Variants in CNOT3 observed in about 807,000 individuals in gnomAD.
CNOT3 encodes the protein CCR4-associated factor 3.
A neutral mutation model predicts 89.4 loss-of-function variants in CNOT3; 2 were observed. The ratio of observed to expected loss-of-function variants is 0.02; its 90% CI spans 0.01 to 0.07. The LOEUF is 0.07. Ranked by LOEUF, CNOT3 falls within the 10% of genes least tolerant of loss-of-function variation. CNOT3 has a pLI of 1.00. For synonymous variants in CNOT3, 486 were observed against 402.0 expected, an observed-to-expected ratio of 1.21 and a Z score of -2.50; for missense variants, 664 against 1,010.2, an observed-to-expected ratio of 0.66 and a Z score of 4.65.
intron 10 of CNOT3, 25 bp downstream of exon 10, chr19:54,146,682 G>C: frequency 7.4e-7 from 1 of 1,346,352 alleles, no homozygotes; most frequent in Non-Finnish European, 1.1e-6. Context: ...GGACCGGGTG[G>C]GCACGCCATT....
chr19:54,149,734 G>A lies in CNOT3; in HGVS notation c.1581G>A (p.Gln527=), dbSNP rs1338189055. ...GTGCCCTGCTCAATGGGCCTCCACA[G>A]TTCAGCACCGCCCCAGAAATCAAGG... ...AAGALLNGPP[Q]FSTAPEIKAP... The change falls in exon 13 of 18, where the codon CAG becomes CAA. Residue 527 remains glutamine, a synonymous_variant. Transcript: ENST00000221232. 6.2e-7 allele frequency: 1 copy of A among 1,611,804 alleles called. No homozygotes were observed. The highest frequency in any genetic ancestry group is 1.3e-5 in the African/African-American group (1 of 74,996).
chr19:54,143,197 T>C lies in CNOT3; in HGVS notation c.93+11T>C, dbSNP rs1489221692. On this transcript the variant is annotated intron_variant, in intron 3 of 17. Transcript: ENST00000221232. ...GATATTTGGCAGAAGGTACAGGGGC[T>C]GAGACCCTAATAATCTGGGTCTTCA... 1.2e-6 allele frequency: 2 copies of C among 1,611,376 alleles called. No individual in the cohort carries two copies. Among genetic ancestry groups the C allele is most frequent in the Non-Finnish European group, 1.7e-6 (2 of 1,177,744 alleles).
Position 54,144,448 on chromosome 19 carries a change from C to T in CNOT3, c.483+116C>T, listed in dbSNP as rs2074576345. 3 of 742,056 alleles carry T rather than the reference C, an allele frequency of 4.0e-6. No homozygotes were observed. The highest frequency in any genetic ancestry group is 2.2e-5 in the Admixed American group (1 of 44,788). The allele number at this position is 742,056 out of a possible 1,614,324, so 46.0% of individuals were successfully genotyped here. ...TTGGGGCCTGGATTCCTCAGGCGGA[C>T]AGGGCCAACAGCCGGGATTAGGGAT... On this transcript the variant is annotated intron_variant, in intron 7 of 17. Coordinates refer to ENST00000221232, the MANE Select transcript of CNOT3 (RefSeq NM_014516.4). The surrounding 1 kb of genome is among the most constrained non-coding windows in gnomAD (Gnocchi z 4.8).
chr19:54,154,935 A>C, intron 17 of CNOT3: 1 of 224,808 alleles, frequency 4.4e-6, no homozygotes, highest in Non-Finnish European at 8.7e-6. Context: ...GACAGTACCC[A>C]CTGCCTCGAG....
At chr19:54,140,455 A>G (rs1055104659) in intron 1 of CNOT3, among the ~76,000 whole-genome samples, 9 of 152,146 alleles carry the variant, frequency 5.9e-5, no homozygotes, top group African/African-American at 2.2e-4. Context: ...CCCTGACTAC[A>G]GCAAATGGGG....
Position 54,145,729 on chromosome 19 carries a change from C to T in CNOT3, c.615C>T (p.Asp205=), listed in dbSNP as rs587608163. Residue 205 remains aspartate (D), a synonymous_variant, in exon 8 of 18, where the codon GAC becomes GAT. Coordinates refer to ENST00000221232, the MANE Select transcript of CNOT3 (RefSeq NM_014516.4). The surrounding 1 kb of genome is among the most constrained non-coding windows in gnomAD (Gnocchi z 5.9). ...ILVDAIRKIK[D]DVEYYVDSSQ... The stretch of plus-strand genomic sequence containing the variant: ...TTGACGCCATCCGCAAGATCAAGGA[C>T]GACGTTGAGTACTATGTTGACTCAT... 27 of 1,613,068 alleles carry T rather than the reference C, an allele frequency of 1.7e-5. No homozygotes were observed. The African/African-American group carries it at 2.3e-4, about 14-fold the overall frequency.
At chr19:54,143,344 G>A in intron 3 of CNOT3, 98 bp from the exon 4 acceptor site, 2 of 1,347,750 alleles carry the variant, frequency 1.5e-6, no homozygotes, top group Non-Finnish European at 2.1e-6. Context: ...GTAGGGGTTG[G>A]GGGGGGTCCT....
At chr19:54,154,224 C>T in intron 17 of CNOT3, 2 of 406,478 alleles carry the variant, frequency 4.9e-6, no homozygotes, top group South Asian at 3.9e-5. Flanking sequence ...CCCCACTTCA[C>T]CTCCAGGTCC....
chr19:54,151,417 C>T (rs922325437), intron 13 of CNOT3, among the ~76,000 whole-genome samples: 2 of 152,006 alleles, frequency 1.3e-5, no homozygotes, highest in Non-Finnish European at 2.9e-5. Context: ...AGAAGCAGGA[C>T]GGATAGCTGG....
At chr19:54,150,332 C>T (rs188152432) in intron 13 of CNOT3, among the ~76,000 whole-genome samples, 76 of 152,234 alleles carry the variant, frequency 5.0e-4, no homozygotes, top group Middle Eastern at 3.4e-3. Context: ...GGAAGGGCTT[C>T]AGGAGGTGCT....
At chr19:54,146,960 G>T (rs1387784443) in intron 10 of CNOT3, among the ~76,000 whole-genome samples, 1 of 152,190 alleles carries the variant, frequency 6.6e-6, no homozygotes, top group African/African-American at 2.4e-5. Context: ...CCAGTAACAT[G>T]GGCAAGTTGT....
In CNOT3 at chr19:54,149,771, G is replaced by T. The variant is rs2074955189; in HGVS notation, c.1605+13G>T. 4 of 1,584,902 alleles carry T rather than the reference G, an allele frequency of 2.5e-6. No homozygotes were observed. The highest frequency in any genetic ancestry group is 1.4e-5 in the African/African-American group (1 of 73,988). On this transcript the variant is annotated intron_variant, in intron 13 of 17. Coordinates refer to ENST00000221232, the MANE Select transcript of CNOT3 (RefSeq NM_014516.4). ...CCCAGAAATCAAGGTGGGCTCCTCG[G>T]ACATCCCCCGAGCCTCTGTGTCCTG...
Position 54,148,552 on chromosome 19 carries a change from C to T in CNOT3, c.1282+17C>T, listed in dbSNP as rs587647820. 1.7e-5 allele frequency: 19 copies of T among 1,094,498 alleles called. No individual in the cohort carries two copies. The highest frequency in any genetic ancestry group is 1.1e-4 in the African/African-American group (7 of 65,484). The allele number at this position is 1,094,498 out of a possible 1,614,324, so 67.8% of individuals were successfully genotyped here. A position where few individuals can be genotyped will look rare whatever the true frequency, so the allele number is the denominator to read the frequency against. On this transcript the variant is annotated intron_variant, in intron 11 of 17. Transcript: ENST00000221232. The surrounding 1 kb of genome is among the most constrained non-coding windows in gnomAD (Gnocchi z 6.3). ...GCGCCACCAGTGAGTGAGGAGGCAG[C>T]GGGGTGGGGGGCGTGGGCGGGGCTG...
chr19:54,148,360 T>C lies in CNOT3; in HGVS notation c.1107T>C (p.Ala369=). 1 of 1,578,864 alleles carries C rather than the reference T, an allele frequency of 6.3e-7. No homozygotes were observed. Among genetic ancestry groups the C allele is most frequent in the African/African-American group, 1.3e-5 (1 of 74,150 alleles). Residue 369 remains alanine (A), a synonymous_variant, in exon 11 of 18, where the codon GCT becomes GCC. Coordinates refer to ENST00000221232, the MANE Select transcript of CNOT3 (RefSeq NM_014516.4). This position sits in a 1 kb window ranked among gnomAD's most constrained non-coding sequence, Gnocchi z 6.3. ...CCAGCCACAACTCGGGCACCCCTGC[T>C]CCCTATGCCCAGGCTGTGGCCCCAC... is the stretch of plus-strand genomic sequence containing the variant. The part of the protein sequence containing the change: ...PAPSHNSGTP[A]PYAQAVAPPA...
chr19:54,155,300 C>A lies in CNOT3; in HGVS notation c.2164-9C>A. ...CGTCCACTCACTGACCGCCTTCTCC[C>A]CCGGCCAGGGCACCTACATCTACTT... On this transcript the variant is annotated splice_polypyrimidine_tract_variant and intron_variant, in intron 17 of 17. Transcript: ENST00000221232. 6.2e-7 allele frequency: 1 copy of A among 1,612,862 alleles called. No homozygotes were observed. The highest frequency in any genetic ancestry group is 1.7e-5 in the Admixed American group (1 of 60,000).
In CNOT3 at chr19:54,155,429, AC is replaced by A. The variant is rs762469816; in HGVS notation, c.*27del. On this transcript the variant is annotated 3_prime_UTR_variant, in exon 18 of 18. Coordinates refer to ENST00000221232, the MANE Select transcript of CNOT3 (RefSeq NM_014516.4). ...GTGACACCGGCCCCTCCCTCTACCC[AC>A]CCCCTTCCCCCGCATGCTGATCCCC... 11 of 1,360,298 alleles carry A rather than the reference AC, an allele frequency of 8.1e-6. No homozygotes were observed. In the East Asian group the frequency reaches 2.4e-4, roughly 30 times the overall value. The allele number at this position is 1,360,298 out of a possible 1,614,324, so 84.3% of individuals were successfully genotyped here.
At chr19:54,154,280 G>T (rs181941662) in intron 17 of CNOT3, 35 of 335,516 alleles carry the variant, frequency 1.0e-4, no homozygotes, top group South Asian at 2.2e-4. Flanking sequence ...TATTTTTTTT[G>T]AATGGGCTTC....
chr19:54,144,332 TGTGA>T lies in CNOT3; in HGVS notation c.483+6_483+9del, dbSNP rs765239980. 4 of 1,611,822 alleles carry T rather than the reference TGTGA, an allele frequency of 2.5e-6. No homozygotes were observed. In the South Asian group the frequency reaches 4.4e-5, roughly 18 times the overall value. On this transcript the variant is annotated splice_donor_variant and splice_donor_region_variant and intron_variant, in intron 7 of 17. Coordinates refer to ENST00000221232, the MANE Select transcript of CNOT3 (RefSeq NM_014516.4). LOFTEE classifies it high-confidence loss of function. The surrounding 1 kb of genome is among the most constrained non-coding windows in gnomAD (Gnocchi z 4.8). ...CACGCAAGAAGAAGGGCGACAAGGA[TGTGA>T]GTGAGGGAGACCCGACACCTTTGGG...
chr19:54,152,376 C>T lies in CNOT3; in HGVS notation c.1705+51C>T, dbSNP rs111667841. ...GCAGCGGGCCAAAGAGGAGGGGCTGCCCCTGACCCATCCTCACCACTGAGG... is the reference window on the plus strand; with the variant it reads ...GCAGCGGGCCAAAGAGGAGGGGCTGTCCCTGACCCATCCTCACCACTGAGG... On this transcript the variant is annotated intron_variant, in intron 14 of 17. Transcript: ENST00000221232. 388 of 1,613,790 alleles carry T rather than the reference C, an allele frequency of 2.4e-4. 2 individuals carry two copies. In the African/African-American group the frequency reaches 4.5e-3, roughly 19 times the overall value.
Sources: gnomAD v4.1 joint callset for allele counts (sites outside exome capture counted in the v4.1 genomes callset) on GRCh38, gnomAD v4.1.1 for gene constraint, Gnocchi (gnomAD v3.1) non-coding constraint, MANE v1.5 for transcripts, NCBI Gene and HGNC (gene_info 2026-07-23, HGNC 2026-07-21) for gene names.